EML1: variants seen among roughly 807,000 people sequenced by gnomAD.
EML1 encodes the protein EMAP like 1.
EML1 carries 27 observed loss-of-function variants against 110.4 expected under a neutral mutation model. The ratio of observed to expected loss-of-function variants is 0.24; its 90% CI spans 0.18 to 0.34. The LOEUF is 0.34. Among genes scored for constraint, EML1 ranks in the 10% least tolerant of loss-of-function variants. EML1 has a pLI of 1.00. For synonymous variants in EML1, 344 were observed against 385.8 expected (o/e 0.89, Z 1.27); for missense variants, 741 against 1,030.9 (o/e 0.72, Z 3.85).
intron 3 of EML1, among the ~76,000 whole-genome samples, chr14:99,869,879 C>A (rs944133259): frequency 6.6e-5 from 10 of 152,218 alleles, no homozygotes; most frequent in African/African-American, 2.4e-4. Context: ...GTCTTGTCTT[C>A]TGCCATGATT....
intron 1 of EML1, among the ~76,000 whole-genome samples, chr14:99,756,261 T>A (rs1447745040): frequency 2.0e-5 from 3 of 152,222 alleles, no homozygotes; most frequent in Admixed American, 6.5e-5. Flanking sequence ...CCCTTCCGAC[T>A]TAAGGGGGTT....
Position 99,939,425 on chromosome 14 carries a change from G to A in EML1, c.2322+98G>A, listed in dbSNP as rs2060538357. 1.3e-6 allele frequency: 2 copies of A among 1,535,026 alleles called. No individual in the cohort carries two copies. The highest frequency in any genetic ancestry group is 1.9e-5 in the Admixed American group (1 of 53,208). ...AAGTGGAAATGGGCTGTGAGCGACT[G>A]CTGCCAGCCACAAAGGCAGATGTGA... On this transcript the variant is annotated intron_variant, in intron 21 of 21. Coordinates refer to ENST00000262233, the MANE Select transcript of EML1 (RefSeq NM_004434.3). This position sits in a 1 kb window ranked among gnomAD's most constrained non-coding sequence, Gnocchi z 4.2.
At chr14:99,806,241 G>A (rs765913132) in intron 1 of EML1, among the ~76,000 whole-genome samples, 2 of 151,682 alleles carry the variant, frequency 1.3e-5, no homozygotes, top group South Asian at 2.1e-4. Flanking sequence ...ATGTGTCACC[G>A]GATCACACCC....
chr14:99,813,265 AC>A (rs2058111942), intron 1 of EML1, among the ~76,000 whole-genome samples: 1 of 151,702 alleles, frequency 6.6e-6, no homozygotes, highest in South Asian at 2.1e-4. Context: ...TAAGGAAAAA[AC>A]CCCCAGCCAC....
At chr14:99,789,587 TC>T (rs1318570413), upstream of EML1, among the ~76,000 whole-genome samples, 1 of 152,236 alleles carries the variant, frequency 6.6e-6, no homozygotes, top group Non-Finnish European at 1.5e-5. Flanking sequence ...AGCACTGTGT[TC>T]TATGTGCTAC....
intron 1 of EML1, among the ~76,000 whole-genome samples, chr14:99,823,955 T>G (rs74484294): frequency 0.01 from 1,551 of 151,946 alleles, 30 homozygotes; most frequent in African/African-American, 0.036. Flanking sequence ...ATGCATCATC[T>G]CTCTCTCTTT....
At chr14:99,840,619 A>G (rs1007766915) in intron 1 of EML1, among the ~76,000 whole-genome samples, 1 of 152,246 alleles carries the variant, frequency 6.6e-6, no homozygotes, top group Non-Finnish European at 1.5e-5. Context: ...AAATAATTAA[A>G]GAAAATAAGA....
intron 1 of EML1, among the ~76,000 whole-genome samples, chr14:99,783,639 C>T (rs1259669132): frequency 2.0e-5 from 3 of 151,914 alleles, no homozygotes; most frequent in Non-Finnish European, 4.4e-5. Context: ...TGTGGGCCTC[C>T]ATGCCCGGCT....
intron 6 of EML1, among the ~76,000 whole-genome samples, chr14:99,895,891 C>T (rs1199589317): frequency 1.3e-5 from 2 of 151,882 alleles, no homozygotes; most frequent in Non-Finnish European, 2.9e-5. Flanking sequence ...CTCAAAAATA[C>T]ATATATTCAT....
At chr14:99,800,238 C>T (rs1566870679) in intron 1 of EML1, among the ~76,000 whole-genome samples, 1 of 152,162 alleles carries the variant, frequency 6.6e-6, no homozygotes, top group African/African-American at 2.4e-5. Context: ...TGGCCCAGGA[C>T]TGGGGGTGTG....
At chr14:99,870,651 A>G (rs548631821) in intron 3 of EML1, among the ~76,000 whole-genome samples, 1 of 152,184 alleles carries the variant, frequency 6.6e-6, no homozygotes, top group Non-Finnish European at 1.5e-5. Context: ...TATCATTCCA[A>G]AAATCCTAGG....
chr14:99,909,840 G>C (rs1181494552), intron 11 of EML1, among the ~76,000 whole-genome samples: 1 of 152,140 alleles, frequency 6.6e-6, no homozygotes, highest in Non-Finnish European at 1.5e-5. Context: ...AGCACCAGGG[G>C]ACAGCACCTT....
intron 1 of EML1, among the ~76,000 whole-genome samples, chr14:99,798,129 C>G (rs113043768): frequency 2.6e-5 from 4 of 152,084 alleles, no homozygotes; most frequent in Non-Finnish European, 4.4e-5. Context: ...TCCTTGGGTC[C>G]GTAGAGAATA....
At chr14:99,788,468 G>A (rs969299950), upstream of EML1, among the ~76,000 whole-genome samples, 9 of 152,108 alleles carry the variant, frequency 5.9e-5, no homozygotes, top group African/African-American at 2.2e-4. Flanking sequence ...CAACAGCCAG[G>A]CATGGTGGTG....
intron 20 of EML1, among the ~76,000 whole-genome samples, 199 bp from the exon 21 acceptor site, chr14:99,938,998 C>G (rs993447201): frequency 6.6e-6 from 1 of 152,198 alleles, no homozygotes; most frequent in Non-Finnish European, 1.5e-5. Context: ...AGAGGGTCTC[C>G]GAGACTGGCC....
intron 1 of EML1, among the ~76,000 whole-genome samples, chr14:99,810,871 A>G (rs1473619105): frequency 2.0e-5 from 3 of 152,230 alleles, no homozygotes; most frequent in African/African-American, 2.4e-5. Context: ...TGTGATGGGT[A>G]TGTTAATTAG....
chr14:99,797,648 C>A (rs1310555898), intron 1 of EML1, among the ~76,000 whole-genome samples: 1 of 152,182 alleles, frequency 6.6e-6, no homozygotes, highest in Non-Finnish European at 1.5e-5. Context: ...GTTGCTCATG[C>A]ATTTCCATGA....
intron 1 of EML1, among the ~76,000 whole-genome samples, chr14:99,816,900 T>G (rs1158824816): frequency 1.3e-5 from 2 of 152,206 alleles, no homozygotes; most frequent in African/African-American, 4.8e-5. Flanking sequence ...CAGGCTTGAT[T>G]TTGTAACACC....
chr14:99,936,352 G>A lies in EML1; in HGVS notation c.2095+18G>A. On this transcript the variant is annotated intron_variant, in intron 19 of 21. Transcript: ENST00000262233. The surrounding 1 kb of genome is among the most constrained non-coding windows in gnomAD (Gnocchi z 5.5). ...CCTCTACTGTGAGTACCACCCCGGG[G>A]TTGTATGAAGTCTCGATCTCAGAAA... The A allele has an allele frequency of 6.2e-7, 1 of 1,608,194 alleles. No individual in the cohort carries two copies. Among genetic ancestry groups the A allele is most frequent in the Non-Finnish European group, 8.5e-7 (1 of 1,176,298 alleles).
Sources: allele counts gnomAD v4.1 joint callset (sites outside exome capture counted in the v4.1 genomes callset), GRCh38; gene constraint gnomAD v4.1.1; non-coding constraint Gnocchi (gnomAD v3.1); transcripts MANE v1.5; gene names NCBI Gene and HGNC (gene_info 2026-07-23, HGNC 2026-07-21).